The following SNX29 variants were observed in gnomAD, a reference collection of about 807,000 sequenced individuals.
The protein encoded by SNX29 is sorting nexin-29.
In SNX29, 78 loss-of-function variants were observed where a neutral mutation model predicts 102.1. That is an observed-to-expected ratio of 0.76 (90% CI 0.64 to 0.92). The LOEUF is 0.92. Among genes scored for constraint, SNX29 ranks in the 40% least tolerant of loss-of-function variants. The pLI is 0.00. For missense variants in SNX29, 1,280 were observed against 1,061.7 expected (o/e 1.21, Z -2.86); for synonymous variants, 580 against 414.5 (o/e 1.40, Z -4.85).
chr16:12,197,296 G>C (rs954712139), intron 13 of SNX29, among the ~76,000 whole-genome samples: 11 of 152,150 alleles, frequency 7.2e-5, no homozygotes, highest in African/African-American at 2.2e-4. Flanking sequence ...CAGGCTGGGC[G>C]TGGTGGCTCA....
chr16:12,515,567 C>T (rs774652570), intron 19 of SNX29: 2 of 492,078 alleles, frequency 4.1e-6, no homozygotes, highest in Admixed American at 2.3e-5. Flanking sequence ...TCTCTGCTTC[C>T]TGCATTGCCT....
intron 18 of SNX29, among the ~76,000 whole-genome samples, chr16:12,461,517 G>A (rs1166978251): frequency 6.6e-6 from 1 of 152,142 alleles, no homozygotes; most frequent in Admixed American, 6.5e-5. Context: ...TCCTCTATCA[G>A]AAGCTTTTTC....
intron 15 of SNX29, among the ~76,000 whole-genome samples, chr16:12,330,846 C>G (rs2081273219): frequency 6.6e-6 from 1 of 152,234 alleles, no homozygotes; most frequent in Non-Finnish European, 1.5e-5. Context: ...GCTTCACGTT[C>G]AGATGGAAAA....
intron 18 of SNX29, among the ~76,000 whole-genome samples, chr16:12,473,572 A>G (rs1597508023): frequency 6.6e-6 from 1 of 152,316 alleles, no homozygotes; most frequent in East Asian, 1.9e-4. Flanking sequence ...TCCATCTTGA[A>G]TAGGGGCTGG....
chr16:12,086,587 C>G (rs536801767), intron 11 of SNX29, among the ~76,000 whole-genome samples: 23 of 151,998 alleles, frequency 1.5e-4, no homozygotes, highest in Non-Finnish European at 1.5e-5. Context: ...TGTTTTAATG[C>G]TTATTTTGTA....
chr16:12,544,452 A>C (rs920095318), intron 20 of SNX29, among the ~76,000 whole-genome samples: 1 of 152,076 alleles, frequency 6.6e-6, no homozygotes, highest in African/African-American at 2.4e-5. Context: ...TCTCTACCCT[A>C]TCTCATTCTG....
At chr16:12,439,176 G>T (rs1036140856) in intron 18 of SNX29, among the ~76,000 whole-genome samples, 2 of 152,208 alleles carry the variant, frequency 1.3e-5, no homozygotes, top group African/African-American at 4.8e-5. Flanking sequence ...AGTGTCATTT[G>T]CCAGCCTTGC....
At chr16:12,465,963 C>T (rs1273588446) in intron 18 of SNX29, among the ~76,000 whole-genome samples, 1 of 151,754 alleles carries the variant, frequency 6.6e-6, no homozygotes, top group African/African-American at 2.4e-5. Context: ...TCATGATAAC[C>T]CCCCAATGAA....
At chr16:12,178,757 T>G (rs1158283971) in intron 13 of SNX29, among the ~76,000 whole-genome samples, 1 of 152,224 alleles carries the variant, frequency 6.6e-6, no homozygotes, top group African/African-American at 2.4e-5. Flanking sequence ...GTTTTCCGAC[T>G]TGAGTAGTAT....
intron 20 of SNX29, among the ~76,000 whole-genome samples, chr16:12,543,484 A>G (rs749001692): frequency 6.6e-6 from 1 of 152,198 alleles, no homozygotes; most frequent in Non-Finnish European, 1.5e-5. Context: ...CAGTAAAGCC[A>G]CAGCCACCTG....
intron 16 of SNX29, among the ~76,000 whole-genome samples, chr16:12,360,424 C>T (rs1182986811): frequency 6.6e-6 from 1 of 152,186 alleles, no homozygotes; most frequent in African/African-American, 2.4e-5. Context: ...TGATGTTTGT[C>T]ATGTTCCTCT....
At position 12,398,647 on chromosome 16, in the gene SNX29, T is replaced by A; in HGVS notation, c.1955+146T>A. ...GTGGTTCTTGTAGAGCTGGTAGGAG[T>A]CGCTCTCCTACAGCCTCAGTCTCGC... is the stretch of plus-strand genomic sequence containing the variant. On this transcript the variant is annotated intron_variant, in intron 17 of 20. Coordinates refer to ENST00000566228, the MANE Select transcript of SNX29 (RefSeq NM_032167.5). 1.0e-5 allele frequency: 9 copies of A among 862,354 alleles called. No homozygotes were observed. The South Asian group carries it at 1.4e-4, about 13-fold the overall frequency. The allele number at this position is 862,354 out of a possible 1,614,324, so 53.4% of individuals were successfully genotyped here.
intron 20 of SNX29, among the ~76,000 whole-genome samples, chr16:12,560,176 T>A (rs1007308970): frequency 1.9e-4 from 28 of 150,752 alleles, no homozygotes; most frequent in Non-Finnish European, 3.0e-4. Context: ...CACTTTTTTT[T>A]AATTCACCAT....
intron 18 of SNX29, among the ~76,000 whole-genome samples, chr16:12,418,181 T>C (rs1042219286): frequency 3.3e-5 from 5 of 152,210 alleles, no homozygotes; most frequent in Non-Finnish European, 7.3e-5. Flanking sequence ...AGATTTAAAA[T>C]TGATGTTAAT....
chr16:12,545,903 G>A (rs1162010523), intron 20 of SNX29, among the ~76,000 whole-genome samples: 4 of 152,164 alleles, frequency 2.6e-5, no homozygotes, highest in Non-Finnish European at 5.9e-5. Context: ...GGTACCTGGA[G>A]CATTCTAGGT....
intron 14 of SNX29, among the ~76,000 whole-genome samples, chr16:12,253,590 C>G (rs913966024): frequency 6.6e-6 from 1 of 152,074 alleles, no homozygotes; most frequent in Non-Finnish European, 1.5e-5. Context: ...TGAACACAGG[C>G]AGGGGGATGG....
At chr16:12,505,135 G>C (rs2089313806) in intron 19 of SNX29, among the ~76,000 whole-genome samples, 1 of 152,162 alleles carries the variant, frequency 6.6e-6, no homozygotes. Flanking sequence ...AACAAAAAGA[G>C]ACTCCTACTG....
chr16:12,570,169 C>G lies in SNX29; in HGVS notation c.*1540C>G, dbSNP rs915225694. 3.7e-5 allele frequency: 39 copies of G among 1,065,282 alleles called. No individual in the cohort carries two copies. Among genetic ancestry groups the G allele is most frequent in the African/African-American group, 3.3e-4 (20 of 61,070 alleles). 66.0% of individuals were successfully genotyped at this position (1,065,282 alleles called of 1,614,324 possible). ...CACTCACACACAGCGCCCCCCCACC[C>G]CAGAGAAACCGAGTCAGCCTACATG... On this transcript the variant is annotated 3_prime_UTR_variant, in exon 21 of 21. Coordinates refer to ENST00000566228, the MANE Select transcript of SNX29 (RefSeq NM_032167.5).
chr16:12,467,061 T>C (rs2087088120), intron 18 of SNX29, among the ~76,000 whole-genome samples: 1 of 152,202 alleles, frequency 6.6e-6, no homozygotes, highest in Admixed American at 6.5e-5. Context: ...TGGCCAGTGA[T>C]GCGAAGATGT....
Sources: allele counts gnomAD v4.1 joint callset (sites outside exome capture counted in the v4.1 genomes callset), GRCh38; gene constraint gnomAD v4.1.1; transcripts MANE v1.5; gene names NCBI Gene and HGNC (gene_info 2026-07-23, HGNC 2026-07-21).